Variants in SCHIP1 observed in about 807,000 individuals in gnomAD.
SCHIP1 encodes schwannomin interacting protein 1, also known as schwannomin-interacting protein 1.
A neutral mutation model predicts 29.7 loss-of-function variants in SCHIP1; 8 were observed. The observed-to-expected ratio is 0.27, with a 90% CI of 0.16 to 0.49. SCHIP1 has a LOEUF of 0.49. SCHIP1 is among the 20% of genes least tolerant of loss of function. The pLI, the probability that SCHIP1 is intolerant of heterozygous loss-of-function variation, is 0.99. For missense variants in SCHIP1, 193 were observed against 294.6 expected (o/e 0.66, Z 2.52); for synonymous variants, 76 against 94.9 (o/e 0.80, Z 1.16).
the SCHIP1 span, among the ~76,000 whole-genome samples, chr3:159,772,927 G>A: frequency 1.3e-5 from 2 of 152,214 alleles, no homozygotes; most frequent in African/African-American, 4.8e-5. Context: ...TTTTACTAGA[G>A]ACGGGATTTC....
At chr3:159,812,173 G>C in the SCHIP1 span, among the ~76,000 whole-genome samples, 1 of 151,994 alleles carries the variant, frequency 6.6e-6, no homozygotes, top group Non-Finnish European at 1.5e-5. Flanking sequence ...GTTTCACCAT[G>C]TTGGCCAGGC....
the SCHIP1 span, among the ~76,000 whole-genome samples, chr3:159,578,249 A>C: frequency 6.6e-6 from 1 of 152,176 alleles, no homozygotes; most frequent in Non-Finnish European, 1.5e-5. Context: ...GCAATTGTAC[A>C]CTCAAAATGT....
the SCHIP1 span, among the ~76,000 whole-genome samples, chr3:159,487,721 G>A: frequency 1.3e-5 from 2 of 152,126 alleles, no homozygotes; most frequent in African/African-American, 4.8e-5. Context: ...CCTAAGAAAA[G>A]TGTCTATTCT....
the SCHIP1 span, among the ~76,000 whole-genome samples, chr3:159,593,888 G>A: frequency 1.3e-5 from 2 of 152,016 alleles, no homozygotes; most frequent in Admixed American, 6.6e-5. Context: ...AAGCCCCCTG[G>A]CTGCATCCAG....
the SCHIP1 span, among the ~76,000 whole-genome samples, chr3:159,456,651 G>C: frequency 6.6e-6 from 1 of 152,206 alleles, no homozygotes; most frequent in South Asian, 2.1e-4. Flanking sequence ...TAGAGAAGTT[G>C]TTAATAGATG....
the SCHIP1 span, among the ~76,000 whole-genome samples, chr3:159,559,578 A>G: frequency 0.018 from 2,800 of 152,324 alleles, 106 homozygotes; most frequent in East Asian, 0.17. Context: ...TAATATACAA[A>G]TCTTAAGTGT....
chr3:159,525,045 A>T, the SCHIP1 span, among the ~76,000 whole-genome samples: 2 of 152,136 alleles, frequency 1.3e-5, no homozygotes, highest in Admixed American at 6.5e-5. Context: ...TCTTTTCTCT[A>T]CTGGGAAGTT....
At chr3:159,629,998 T>A in the SCHIP1 span, among the ~76,000 whole-genome samples, 1 of 152,034 alleles carries the variant, frequency 6.6e-6, no homozygotes, top group Non-Finnish European at 1.5e-5. Context: ...GCTGGGATTA[T>A]GAGGGGTAAG....
chr3:159,425,254 A>G, the SCHIP1 span, among the ~76,000 whole-genome samples: 1 of 152,196 alleles, frequency 6.6e-6, no homozygotes, highest in East Asian at 1.9e-4. Context: ...GGCAAATTGG[A>G]TAAAGAGTCA....
the SCHIP1 span, among the ~76,000 whole-genome samples, chr3:159,732,141 T>C: frequency 6.6e-6 from 1 of 152,248 alleles, no homozygotes; most frequent in Non-Finnish European, 1.5e-5. Flanking sequence ...CCACCACGCC[T>C]GGCCCCTTAT....
At chr3:159,418,423 T>C in the SCHIP1 span, among the ~76,000 whole-genome samples, 1 of 152,218 alleles carries the variant, frequency 6.6e-6, no homozygotes, top group Non-Finnish European at 1.5e-5. Context: ...ACTATTGTCA[T>C]AAAAACTTGC....
the SCHIP1 span, among the ~76,000 whole-genome samples, chr3:159,616,275 T>A: frequency 2.9e-3 from 449 of 152,358 alleles, 21 homozygotes; most frequent in South Asian, 0.091. Flanking sequence ...ATTTTTTTTG[T>A]ATTTTTAGTA....
chr3:159,379,704 TA>T, the SCHIP1 span, among the ~76,000 whole-genome samples: 383 of 152,304 alleles, frequency 2.5e-3, no homozygotes, highest in African/African-American at 8.8e-3. Context: ...AACTCAGAGT[TA>T]TGGACACCAT....
the SCHIP1 span, among the ~76,000 whole-genome samples, chr3:159,455,710 C>A: frequency 4.6e-5 from 7 of 152,184 alleles, no homozygotes; most frequent in African/African-American, 1.4e-4. Context: ...CATTCAGAGT[C>A]TATTTTACTA....
At chr3:159,287,134 A>T in the SCHIP1 span, among the ~76,000 whole-genome samples, 1 of 151,922 alleles carries the variant, frequency 6.6e-6, no homozygotes, top group South Asian at 2.1e-4. Flanking sequence ...TTGTCATGAA[A>T]TTTTTGCCAG....
At chr3:159,717,443 T>C in the SCHIP1 span, among the ~76,000 whole-genome samples, 1 of 152,264 alleles carries the variant, frequency 6.6e-6, no homozygotes, top group African/African-American at 2.4e-5. Context: ...ATCCAGGAGC[T>C]GGTTTTTTGA....
At chr3:159,688,339 C>A in the SCHIP1 span, among the ~76,000 whole-genome samples, 1 of 152,208 alleles carries the variant, frequency 6.6e-6, no homozygotes, top group South Asian at 2.1e-4. Context: ...ATTTGCATTT[C>A]TCTAATGACC....
chr3:159,491,235 T>C, the SCHIP1 span, among the ~76,000 whole-genome samples: 48 of 152,280 alleles, frequency 3.2e-4, no homozygotes, highest in African/African-American at 1.2e-3. Flanking sequence ...TTCATCTCAC[T>C]GGGGAGTGCT....
chr3:159,846,694 A>G (rs545893145), intron 1 of SCHIP1, among the ~76,000 whole-genome samples: 3 of 152,326 alleles, frequency 2.0e-5, no homozygotes, highest in African/African-American at 4.8e-5. Flanking sequence ...GTTTTATTCT[A>G]TAGATTTTTT....
Sources: allele counts gnomAD v4.1 joint callset (sites outside exome capture counted in the v4.1 genomes callset), GRCh38; gene constraint gnomAD v4.1.1; transcripts MANE v1.5; gene names NCBI Gene and HGNC (gene_info 2026-07-23, HGNC 2026-07-21).